Variants in ATOSA observed in about 807,000 individuals in gnomAD.
ATOSA encodes atos homolog protein A.
the ATOSA span, among the ~76,000 whole-genome samples, chr15:52,667,292 T>C: frequency 1.3e-5 from 2 of 152,250 alleles, no homozygotes; most frequent in Non-Finnish European, 2.9e-5. Context: ...TTTTTTATCA[T>C]ATTCTTATGG....
chr15:52,637,194 A>G, the ATOSA span, among the ~76,000 whole-genome samples: 1 of 152,172 alleles, frequency 6.6e-6, no homozygotes, highest in African/African-American at 2.4e-5. Flanking sequence ...AATTGTTATG[A>G]TGATTAGAAG....
chr15:52,611,071 C>T, the ATOSA span: 11,089 of 1,511,212 alleles, frequency 7.3e-3, 216 homozygotes, highest in African/African-American at 0.072. Flanking sequence ...AAATGCCATT[C>T]GGTTGCTAAC....
At chr15:52,632,232 G>T in the ATOSA span, among the ~76,000 whole-genome samples, 1 of 152,200 alleles carries the variant, frequency 6.6e-6, no homozygotes, top group African/African-American at 2.4e-5. Context: ...TACAACTTAA[G>T]CAAGTAGTTC....
At chr15:52,689,688 T>C in the ATOSA span, among the ~76,000 whole-genome samples, 318 of 152,290 alleles carry the variant, frequency 2.1e-3, 5 homozygotes, top group East Asian at 0.013. Context: ...GGCTGGCAAG[T>C]GGCCTACAAA....
the ATOSA span, among the ~76,000 whole-genome samples, chr15:52,661,486 A>T: frequency 6.6e-6 from 1 of 152,218 alleles, no homozygotes; most frequent in Non-Finnish European, 1.5e-5. Context: ...ACATTTTCTC[A>T]ACTGTAAAAA....
the ATOSA span, among the ~76,000 whole-genome samples, chr15:52,650,449 T>C: frequency 1.3e-5 from 2 of 152,218 alleles, no homozygotes; most frequent in African/African-American, 4.8e-5. Flanking sequence ...TTTTTTAATC[T>C]TTAAGGACTA....
the ATOSA span, among the ~76,000 whole-genome samples, chr15:52,612,895 T>G: frequency 6.6e-6 from 1 of 151,712 alleles, no homozygotes; most frequent in Non-Finnish European, 1.5e-5. Context: ...AATTATATGC[T>G]ACTACACCAA....
the ATOSA span, among the ~76,000 whole-genome samples, chr15:52,706,199 A>G: frequency 6.6e-6 from 1 of 152,202 alleles, no homozygotes; most frequent in South Asian, 2.1e-4. Context: ...AAACTAAGGC[A>G]AGATGGAGTG....
At chr15:52,658,202 A>T in the ATOSA span, 1 of 152,236 alleles carries the variant, frequency 6.6e-6, no homozygotes, top group Non-Finnish European at 1.5e-5. Context: ...ATTCATATAC[A>T]TCACAGGCTG....
At chr15:52,609,765 A>G in the ATOSA span, 2 of 1,613,338 alleles carry the variant, frequency 1.2e-6, no homozygotes, top group South Asian at 2.2e-5. Context: ...TTGGATCACA[A>G]TGAATCAAAT....
chr15:52,597,028 G>T, the ATOSA span, among the ~76,000 whole-genome samples: 1 of 152,312 alleles, frequency 6.6e-6, no homozygotes, highest in South Asian at 2.1e-4. Context: ...ACTGATCAGT[G>T]CAAACAATGG....
the ATOSA span, chr15:52,608,888 C>T: frequency 6.2e-7 from 1 of 1,608,776 alleles, no homozygotes; most frequent in Non-Finnish European, 8.5e-7. Flanking sequence ...TTGGAATCAT[C>T]AGACTGAAGA....
chr15:52,672,172 C>CGAAAAAAAAA, the ATOSA span, among the ~76,000 whole-genome samples: 1 of 62,552 alleles, frequency 1.6e-5, no homozygotes, highest in Non-Finnish European at 2.8e-5. Context: ...CCCCATTTCT[C>CGAAAAAAAAA]AAAAAAAAAA....
chr15:52,616,041 C>T, the ATOSA span, among the ~76,000 whole-genome samples: 4 of 152,238 alleles, frequency 2.6e-5, no homozygotes, highest in Admixed American at 6.5e-5. Context: ...GTTTATCATA[C>T]ATCCCCAGGT....
At chr15:52,658,554 G>A in the ATOSA span, 2 of 377,298 alleles carry the variant, frequency 5.3e-6, no homozygotes, top group Admixed American at 1.0e-4. Context: ...CTCAATTGAA[G>A]CTCGCACTTA....
chr15:52,604,145 G>A, the ATOSA span, among the ~76,000 whole-genome samples: 1 of 152,202 alleles, frequency 6.6e-6, no homozygotes, highest in African/African-American at 2.4e-5. Context: ...AACATGGCCG[G>A]GCGCCGTGGC....
chr15:52,656,378 C>T, the ATOSA span: 1 of 151,988 alleles, frequency 6.6e-6, no homozygotes, highest in South Asian at 2.1e-4. Context: ...ATCATATTTG[C>T]TGCAATGATT....
At chr15:52,640,571 C>CAAAAAAAAAAAAAAAAAAA in the ATOSA span, among the ~76,000 whole-genome samples, 2 of 27,570 alleles carry the variant, frequency 7.3e-5, no homozygotes, top group African/African-American at 4.5e-4. Flanking sequence ...ACTCAAGTCT[C>CAAAAAAAAAAAAAAAAAAA]AAAAAAAAAA....
the ATOSA span, among the ~76,000 whole-genome samples, chr15:52,605,842 G>A: frequency 6.6e-6 from 1 of 151,958 alleles, no homozygotes; most frequent in South Asian, 2.1e-4. Flanking sequence ...TATATTCCAT[G>A]AACCCCAGTG....
Sources: gnomAD v4.1 joint callset for allele counts (sites outside exome capture counted in the v4.1 genomes callset) on GRCh38, gnomAD v4.1.1 for gene constraint, MANE v1.5 for transcripts, NCBI Gene and HGNC (gene_info 2026-07-23, HGNC 2026-07-21) for gene names.